The following PHKA2 variants were observed in gnomAD, a reference collection of about 807,000 sequenced individuals.
The protein encoded by PHKA2 is phosphorylase kinase regulatory subunit alpha 2, also known as phosphorylase b kinase regulatory subunit alpha, liver isoform.
PHKA2 carries 31 observed loss-of-function variants against 102.0 expected under a neutral mutation model. The ratio of observed to expected loss-of-function variants is 0.30; its 90% CI spans 0.23 to 0.41. PHKA2 has a LOEUF of 0.41. Ranked by LOEUF, PHKA2 falls within the 10% of genes least tolerant of loss-of-function variation. The probability of loss-of-function intolerance (pLI) is 1.00; values close to 1 mark genes in which losing one functional copy is unlikely to be tolerated. For synonymous variants in PHKA2, 455 were observed against 416.2 expected, an observed-to-expected ratio of 1.09 and a Z score of -1.13; for missense variants, 858 against 1,023.1, an observed-to-expected ratio of 0.84 and a Z score of 2.20.
chrX:18,954,791 GTGTCCGCAC>G (rs2048750537), intron 1 of PHKA2, among the ~76,000 whole-genome samples: 1 of 112,515 alleles, frequency 8.9e-6, no homozygotes, highest in Non-Finnish European at 1.9e-5. Context: ...CAGTCTTCAT[GTGTCCGCAC>G]TAATAGGTAA....
At chrX:18,917,667 C>T (rs1305212176) in intron 19 of PHKA2, among the ~76,000 whole-genome samples, 2 of 111,639 alleles carry the variant, frequency 1.8e-5, no homozygotes, top group Non-Finnish European at 3.8e-5. Flanking sequence ...ATTTTACCCA[C>T]CGTGCGCTGT....
At chrX:18,978,627 C>T (rs977545605) in intron 1 of PHKA2, among the ~76,000 whole-genome samples, 19 of 110,706 alleles carry the variant, frequency 1.7e-4, no homozygotes, top group Middle Eastern at 4.6e-3. Flanking sequence ...GCAGGAGAAT[C>T]GCTTGAACCT....
chrX:18,939,931 A>G lies in PHKA2; in HGVS notation c.918+64T>C, dbSNP rs142753852. ...AAATTATAATCAGCAGAGGGAGAAC[A>G]ACACATTGGCAACTTAGAGATGAAA... On this transcript the variant is annotated intron_variant, in intron 9 of 32. Transcript: ENST00000379942. 955 of 768,518 alleles carry G rather than the reference A, an allele frequency of 1.2e-3. 6 individuals carry two copies. In the African/African-American group the frequency reaches 0.016, roughly 13 times the overall value. The allele number at this position is 768,518 out of a possible 1,213,427, so 63.3% of individuals were successfully genotyped here.
At chrX:18,934,699 A>T (rs1202333157) in intron 11 of PHKA2, among the ~76,000 whole-genome samples, 1 of 112,629 alleles carries the variant, frequency 8.9e-6, no homozygotes, top group Non-Finnish European at 1.9e-5. Context: ...TGCCATAAGG[A>T]TCAAGTATCA....
chrX:18,947,792 T>C (rs896792239), intron 5 of PHKA2, among the ~76,000 whole-genome samples: 8 of 112,203 alleles, frequency 7.1e-5, no homozygotes, highest in Non-Finnish European at 1.3e-4. Flanking sequence ...GAAGCTGTGG[T>C]ATATATATGA....
At chrX:18,936,218 A>C in intron 10 of PHKA2, 68 bp from the exon 11 acceptor site, 1 of 740,184 alleles carries the variant, frequency 1.4e-6, no homozygotes, top group South Asian at 2.2e-5. Context: ...CAGCGGTGCA[A>C]CATAGAAAAA....
intron 1 of PHKA2, among the ~76,000 whole-genome samples, chrX:18,955,236 G>A (rs1436464335): frequency 8.9e-6 from 1 of 112,415 alleles, no homozygotes; most frequent in Non-Finnish European, 1.9e-5. Context: ...AAAGAAGCCA[G>A]ATGCCAAAGG....
chrX:18,894,590 G>A (rs943208618), intron 31 of PHKA2, 186 bp from the exon 32 acceptor site: 13 of 474,509 alleles, frequency 2.7e-5, no homozygotes, highest in Admixed American at 2.3e-4. Context: ...GCTGGAGTAT[G>A]CCTCCAGGAG....
Position 18,893,275 on chromosome X carries a change from C to A in PHKA2, c.*210G>T. On this transcript the variant is annotated 3_prime_UTR_variant, in exon 33 of 33. Coordinates refer to ENST00000379942, the MANE Select transcript of PHKA2 (RefSeq NM_000292.3). ...CCTAGAAAATGATCCCGGGGTGCTC[C>A]TTGCGGGGGAACACAGGACTCCTCA... is the stretch of plus-strand genomic sequence containing the variant. 8.7e-6 allele frequency: 4 copies of A among 458,846 alleles called. No homozygotes were observed. In the South Asian group the frequency reaches 1.2e-4, roughly 14 times the overall value. The allele number at this position is 458,846 out of a possible 1,213,427, so 37.8% of individuals were successfully genotyped here.
At chrX:18,968,715 T>C (rs917979926) in intron 1 of PHKA2, among the ~76,000 whole-genome samples, 1 of 112,640 alleles carries the variant, frequency 8.9e-6, no homozygotes, top group Non-Finnish European at 1.9e-5. Flanking sequence ...TCCACATTTG[T>C]TAATATCACC....
intron 13 of PHKA2, among the ~76,000 whole-genome samples, chrX:18,927,985 C>T (rs1802453996): frequency 8.9e-6 from 1 of 112,312 alleles, no homozygotes; most frequent in Admixed American, 9.4e-5. Context: ...CTGTGCCTGA[C>T]CTTCTGGGAA....
intron 5 of PHKA2, among the ~76,000 whole-genome samples, chrX:18,946,337 T>G (rs2048578685): frequency 9.0e-6 from 1 of 111,495 alleles, no homozygotes; most frequent in African/African-American, 3.3e-5. Flanking sequence ...ACTCTTCTCA[T>G]CTGCGCCTTC....
At chrX:18,893,874 G>A (rs962845944) in intron 32 of PHKA2, among the ~76,000 whole-genome samples, 1 of 112,328 alleles carries the variant, frequency 8.9e-6, no homozygotes. Context: ...CTGTTATCAC[G>A]CACCCTAGTT....
chrX:18,979,369 T>A (rs1460997522), intron 1 of PHKA2, among the ~76,000 whole-genome samples: 1 of 112,102 alleles, frequency 8.9e-6, no homozygotes, highest in Non-Finnish European at 1.9e-5. Flanking sequence ...AGTCTCTTAG[T>A]TATTTGCTTT....
At chrX:18,918,467 T>G (rs1187351908) in intron 19 of PHKA2, among the ~76,000 whole-genome samples, 4 of 112,184 alleles carry the variant, frequency 3.6e-5, no homozygotes, top group Non-Finnish European at 7.5e-5. Flanking sequence ...TCAATGCATG[T>G]GAAGACAGCA....
chrX:18,979,809 TTAAA>T (rs1224808119), intron 1 of PHKA2, among the ~76,000 whole-genome samples: 1 of 110,483 alleles, frequency 9.1e-6, no homozygotes, highest in African/African-American at 3.3e-5. Flanking sequence ...ATAATTAATA[TTAAA>T]TAATTTAATT....
Position 18,983,996 on chromosome X carries a change from G to A in PHKA2, c.-64C>T. The A allele has an allele frequency of 1.0e-6, 1 of 974,222 alleles. No individual in the cohort carries two copies. Among genetic ancestry groups the A allele is most frequent in the Non-Finnish European group, 1.5e-6 (1 of 680,544 alleles). The allele number at this position is 974,222 out of a possible 1,213,427, so 80.3% of individuals were successfully genotyped here. The stretch of plus-strand genomic sequence containing the variant: ...CGTGGGCGCGGGACGTCGGGGCTGT[G>A]GCCTCCAAGCGGGTCTGGTTCCCGG... On this transcript the variant is annotated 5_prime_UTR_variant, in exon 1 of 33. Transcript: ENST00000379942.
rs1569285659 is a variant in PHKA2 at position 18,893,203 on chromosome X, A to G, written c.*282T>C. ...AGAGACCAATTTCCAATTCCTCCTC[A>G]GAGTCCGTGAGACCAGATGCTACAG... On this transcript the variant is annotated 3_prime_UTR_variant, in exon 33 of 33. Transcript: ENST00000379942. 7.7e-6 allele frequency: 3 copies of G among 388,741 alleles called. No homozygotes were observed. The highest frequency in any genetic ancestry group is 4.2e-5 in the Admixed American group (1 of 23,748). The allele number at this position is 388,741 out of a possible 1,213,427, so 32.0% of individuals were successfully genotyped here.
At chrX:18,905,389 C>T (rs1601708462) in intron 26 of PHKA2, among the ~76,000 whole-genome samples, 1 of 111,510 alleles carries the variant, frequency 9.0e-6, no homozygotes. Context: ...GTTGGTCAGG[C>T]TGGTCTCAAA....
Sources: gnomAD v4.1 joint callset for allele counts (sites outside exome capture counted in the v4.1 genomes callset) on GRCh38, gnomAD v4.1.1 for gene constraint, MANE v1.5 for transcripts, NCBI Gene and HGNC (gene_info 2026-07-23, HGNC 2026-07-21) for gene names.